FCRLA: variants seen among roughly 807,000 people sequenced by gnomAD.
The protein encoded by FCRLA is Fc receptor-like A.
In FCRLA, 26 loss-of-function variants were observed where a neutral mutation model predicts 28.4. The ratio of observed to expected loss-of-function variants is 0.91; its 90% CI spans 0.67 to 1.27. FCRLA has a LOEUF of 1.27. Among genes scored for constraint, FCRLA ranks in the 50% most tolerant of loss-of-function variants. FCRLA has a pLI of 0.00. For synonymous variants in FCRLA, 174 were observed against 168.5 expected (o/e 1.03, Z -0.25); for missense variants, 422 against 433.1 (o/e 0.97, Z 0.23).
intron 3 of FCRLA, chr1:161,711,723 C>A: frequency 1.3e-6 from 1 of 757,592 alleles, no homozygotes; most frequent in Non-Finnish European, 2.2e-6. Flanking sequence ...GATTGGGTGT[C>A]TGGACAACTA....
At chr1:161,707,432 C>T (rs1682871266) in intron 1 of FCRLA, 89 bp downstream of exon 1, 1 of 1,414,674 alleles carries the variant, frequency 7.1e-7, no homozygotes, top group Admixed American at 2.5e-5. Context: ...TGGACTAATT[C>T]TGGCCCTCCA....
chr1:161,713,001 G>C (rs1019288332), intron 4 of FCRLA, 84 bp from the exon 5 acceptor site: 7 of 1,483,372 alleles, frequency 4.7e-6, no homozygotes. Context: ...CACTTTCAGA[G>C]AACAAGAAAG....
Position 161,710,598 on chromosome 1 carries a change from CT to C in FCRLA, c.80-161del, listed in dbSNP as rs1180406797. 45 of 1,411,036 alleles carry C rather than the reference CT, an allele frequency of 3.2e-5. No homozygotes were observed. The African/African-American group carries it at 5.1e-4, about 16-fold the overall frequency. 87.4% of individuals were successfully genotyped at this position (1,411,036 alleles called of 1,614,324 possible). On this transcript the variant is annotated intron_variant, in intron 1 of 4. Coordinates refer to ENST00000236938, the MANE Select transcript of FCRLA (RefSeq NM_032738.4). ...GTGAATCAAGGTCAAAACTATCCCC[CT>C]GAGACACTCTCAGGGGTCTTTCCGA...
In FCRLA at chr1:161,710,840, G is replaced by T; in HGVS notation, c.160G>T (p.Asp54Tyr). 1 of 1,614,044 alleles carries T rather than the reference G, an allele frequency of 6.2e-7. No homozygotes were observed. The highest frequency in any genetic ancestry group is 8.5e-7 in the Non-Finnish European group (1 of 1,180,030). ...SSCHTEDDLTDAREAGFQVKA... is the reference protein window; with the variant it reads ...SSCHTEDDLTYAREAGFQVKA... ...CTGCCACACGGAGGATGACTTGACTGATGCAAGGGAAGCTGGCTTCCAGGT... is the reference window on the plus strand; with the variant it reads ...CTGCCACACGGAGGATGACTTGACTTATGCAAGGGAAGCTGGCTTCCAGGT... Residue 54 changes from aspartate to tyrosine, a missense_variant, in exon 2 of 5, where the codon GAT becomes TAT. By Grantham distance (160) the Asp-to-Tyr change is radical. Around this residue, in one of 3 missense-constraint regions of FCRLA, gnomAD observed 231 missense variants for 214.6 expected, o/e 1.08. Transcript: ENST00000236938.
At position 161,711,368 on chromosome 1, in the gene FCRLA, C is replaced by G; in HGVS notation, c.393C>G (p.Thr131=). ...PPGPNREFSI[T]VVQKADSGHY... Reference sequence around the variant, plus strand: ...GGCCTAACAGGGAATTCTCCATCACCGTGGTACAAAAGGCAGACAGCGGGC... The same window carrying G: ...GGCCTAACAGGGAATTCTCCATCACGGTGGTACAAAAGGCAGACAGCGGGC... The change falls in exon 3 of 5, where the codon ACC becomes ACG. Residue 131 remains threonine, a synonymous_variant. Coordinates refer to ENST00000236938, the MANE Select transcript of FCRLA (RefSeq NM_032738.4). The G allele has an allele frequency of 6.2e-7, 1 of 1,614,190 alleles. No individual in the cohort carries two copies. Among genetic ancestry groups the G allele is most frequent in the Non-Finnish European group, 8.5e-7 (1 of 1,180,034 alleles).
Position 161,711,341 on chromosome 1 carries a change from C to G in FCRLA, c.366C>G (p.Pro122=), listed in dbSNP as rs376754195. The change falls in exon 3 of 5, where the codon CCC becomes CCG. Residue 122 remains proline (P), a synonymous_variant. Coordinates refer to ENST00000236938, the MANE Select transcript of FCRLA (RefSeq NM_032738.4). ...GAGATGGCTCAGCTCTGGGTCCCCCCGGGCCTAACAGGGAATTCTCCATCA... is the reference window on the plus strand; with the variant it reads ...GAGATGGCTCAGCTCTGGGTCCCCCGGGGCCTAACAGGGAATTCTCCATCA... The part of the protein sequence containing the change: ...FYRDGSALGP[P]GPNREFSITV... The G allele has an allele frequency of 6.2e-7, 1 of 1,614,104 alleles. No homozygotes were observed. The highest frequency in any genetic ancestry group is 1.1e-5 in the South Asian group (1 of 91,086).
chr1:161,712,189 A>T lies in FCRLA; in HGVS notation c.755A>T (p.Gln252Leu), dbSNP rs774478789. The T allele has an allele frequency of 8.1e-6, 13 of 1,613,928 alleles. No homozygotes were observed. The East Asian group carries it at 2.9e-4, about 36-fold the overall frequency. The change falls in exon 4 of 5, where the codon CAG becomes CTG. Residue 252 changes from glutamine to leucine, a missense_variant. Physicochemically the swap from Gln to Leu is moderately radical, Grantham distance 113 (BLOSUM62 -2). This residue lies in a region of FCRLA where 185 missense variants were observed against 198.1 expected (regional missense o/e 0.93). Transcript: ENST00000236938. ...ACTGAGGACAACCAAGTTTGGAAAC[A>T]GAGCCCCCAGCTAGAGATCAGAGTG... ...AATEDNQVWK[Q>L]SPQLEIRVQG...
chr1:161,711,150 T>TG, intron 2 of FCRLA, 58 bp from the exon 3 acceptor site: 1 of 1,561,040 alleles, frequency 6.4e-7, no homozygotes, highest in Non-Finnish European at 8.7e-7. Flanking sequence ...TAGGCATGCT[T>TG]GGGGGTGGCC....
At chr1:161,712,585 A>T (rs562651836) in intron 4 of FCRLA, among the ~76,000 whole-genome samples, 1 of 152,334 alleles carries the variant, frequency 6.6e-6, no homozygotes, top group South Asian at 2.1e-4. Flanking sequence ...AAGAGGCTGC[A>T]CTTGACCTGA....
intron 1 of FCRLA, among the ~76,000 whole-genome samples, chr1:161,709,731 G>A (rs1354540510): frequency 2.0e-5 from 3 of 152,178 alleles, no homozygotes; most frequent in South Asian, 2.1e-4. Context: ...GAGGCTGGAG[G>A]AGGGGGAGAA....
intron 1 of FCRLA, among the ~76,000 whole-genome samples, chr1:161,709,660 CA>C (rs74510517): frequency 0.37 from 55,842 of 151,804 alleles, 12,386 homozygotes; most frequent in Middle Eastern, 0.52. Context: ...AGAATAAAGG[CA>C]AGTGGGGCAC....
intron 1 of FCRLA, 69 bp from the exon 2 acceptor site, chr1:161,710,691 G>A (rs1392403960): frequency 6.3e-7 from 1 of 1,593,100 alleles, no homozygotes; most frequent in Non-Finnish European, 8.6e-7. Flanking sequence ...GGGAGATGGA[G>A]GAACCCTGTC....
In FCRLA at chr1:161,711,361, C is replaced by T. The variant is rs1683092238; in HGVS notation, c.386C>T (p.Ser129Phe). Residue 129 changes from serine (S) to phenylalanine (F), a missense_variant, in exon 3 of 5, where the codon TCC (serine) becomes TTC (phenylalanine). Around this residue, in one of 3 missense-constraint regions of FCRLA, gnomAD observed 231 missense variants for 214.6 expected, o/e 1.08. Transcript: ENST00000236938. ...LGPPGPNREF[S>F]ITVVQKADSG... ...CCCCCCGGGCCTAACAGGGAATTCT[C>T]CATCACCGTGGTACAAAAGGCAGAC... 2.5e-6 allele frequency: 4 copies of T among 1,614,098 alleles called. No individual in the cohort carries two copies. The highest frequency in any genetic ancestry group is 3.4e-6 in the Non-Finnish European group (4 of 1,180,054).
intron 4 of FCRLA, among the ~76,000 whole-genome samples, chr1:161,712,571 T>G (rs1218309696): frequency 6.6e-6 from 1 of 152,192 alleles, no homozygotes; most frequent in Non-Finnish European, 1.5e-5. Context: ...TGGGAGCCAC[T>G]GTTAAGAGGC....
At position 161,713,488 on chromosome 1, in the gene FCRLA, A is replaced by G; in HGVS notation, c.*108A>G. 1.1e-6 allele frequency: 1 copy of G among 919,032 alleles called. No individual in the cohort carries two copies. The highest frequency in any genetic ancestry group is 1.6e-6 in the Non-Finnish European group (1 of 607,480). 56.9% of individuals were successfully genotyped at this position (919,032 alleles called of 1,614,324 possible). A position where few individuals can be genotyped will look rare whatever the true frequency, so the allele number is the denominator to read the frequency against. On this transcript the variant is annotated 3_prime_UTR_variant, in exon 5 of 5. Transcript: ENST00000236938. Reference sequence around the variant, plus strand: ...CATAAGTACTTTTACAAGTTGTCCCAGTGTTTTGTTAGAATAATGTAGTTA... The same window carrying G: ...CATAAGTACTTTTACAAGTTGTCCCGGTGTTTTGTTAGAATAATGTAGTTA...
At position 161,713,286 on chromosome 1, in the gene FCRLA, A is replaced by G. The variant is rs757695737; in HGVS notation, c.986A>G (p.Gln329Arg). Reference protein sequence around the residue: ...HQMGLLLKHMQDVRVLLGHLL... With the variant: ...HQMGLLLKHMRDVRVLLGHLL... The stretch of plus-strand genomic sequence containing the variant: ...ATGGGCCTTCTTCTCAAACACATGC[A>G]GGATGTGAGAGTCCTCCTCGGTCAC... Residue 329 changes from glutamine (Q) to arginine (R), a missense_variant, in exon 5 of 5, where the codon CAG becomes CGG. Physicochemically the swap from Gln to Arg is conservative, Grantham distance 43. Transcript: ENST00000236938. The G allele has an allele frequency of 1.9e-5, 30 of 1,614,096 alleles. No individual in the cohort carries two copies. The South Asian group carries it at 3.1e-4, about 17-fold the overall frequency.
Position 161,708,474 on chromosome 1 carries a change from C to A in FCRLA, c.79+1131C>A, listed in dbSNP as rs572127590. 5.3e-5 allele frequency among the ~76,000 whole-genome samples: 8 copies of A among 152,290 alleles called. No individual in the cohort carries two copies. The South Asian group carries it at 1.7e-3, about 32-fold the overall frequency. On this transcript the variant is annotated intron_variant, in intron 1 of 4. Coordinates refer to ENST00000236938, the MANE Select transcript of FCRLA (RefSeq NM_032738.4). ...TGTGTTCTTGAAATGAATTCTGTAC[C>A]CTGCAGACAGAGTAATTTCTAAAAC... is the stretch of plus-strand genomic sequence containing the variant.
chr1:161,711,035 C>G, intron 2 of FCRLA, 123 bp downstream of exon 2: 2 of 1,454,248 alleles, frequency 1.4e-6, no homozygotes, highest in African/African-American at 1.4e-5. Context: ...AGTCTTCAGC[C>G]CACAGCAACC....
rs1557920447 is a variant in FCRLA, at chr1:161,710,862, A to C, written c.182A>C (p.Gln61Pro). 6.2e-7 allele frequency: 1 copy of C among 1,613,754 alleles called. No homozygotes were observed. The highest frequency in any genetic ancestry group is 1.3e-5 in the African/African-American group (1 of 74,938). ...ACTGATGCAAGGGAAGCTGGCTTCC[A>C]GGTCAAGGCCTACACTTTCAGTGAA... ...DLTDAREAGF[Q>P]VKAYTFSEPF... Residue 61 changes from glutamine to proline, a missense_variant, in exon 2 of 5, where the codon CAG becomes CCG. Gln to Pro is a moderately conservative substitution (Grantham distance 76, BLOSUM62 -1). Around this residue, in one of 3 missense-constraint regions of FCRLA, gnomAD observed 231 missense variants for 214.6 expected, o/e 1.08. Transcript: ENST00000236938.
Sources: allele counts gnomAD v4.1 joint callset (sites outside exome capture counted in the v4.1 genomes callset), GRCh38; gene constraint gnomAD v4.1.1; regional missense constraint gnomAD v4.1.1; transcripts MANE v1.5; gene names NCBI Gene and HGNC (gene_info 2026-07-23, HGNC 2026-07-21).